LUZP2: variants seen among roughly 807,000 people sequenced by gnomAD.
The protein encoded by LUZP2 is leucine zipper protein 2.
In LUZP2, 52 loss-of-function variants were observed where a neutral mutation model predicts 51.6. The ratio of observed to expected loss-of-function variants is 1.01; its 90% confidence interval spans 0.81 to 1.27. The LOEUF (loss-of-function observed/expected upper bound fraction) is 1.27. Ranked by LOEUF, LUZP2 falls within the 50% of genes most tolerant of loss-of-function variation. LUZP2 has a pLI of 0.00. For missense variants in LUZP2, 436 were observed against 395.4 expected (o/e 1.10, Z -0.87); for synonymous variants, 154 against 137.3 (o/e 1.12, Z -0.85).
chr11:24,924,234 C>A (rs897017001), intron 7 of LUZP2, among the ~76,000 whole-genome samples: 1 of 152,008 alleles, frequency 6.6e-6, no homozygotes, highest in Non-Finnish European at 1.5e-5. Flanking sequence ...CGTGCCACCA[C>A]GCCCAGCTAA....
intron 1 of LUZP2, among the ~76,000 whole-genome samples, chr11:24,661,676 T>C (rs1233986479): frequency 6.6e-6 from 1 of 152,194 alleles, no homozygotes; most frequent in Non-Finnish European, 1.5e-5. Context: ...TCTTGGCTGA[T>C]GAAATATAGG....
intron 9 of LUZP2, among the ~76,000 whole-genome samples, chr11:25,040,343 ATTTTT>A (rs57668112): frequency 2.0e-4 from 20 of 98,810 alleles, no homozygotes; most frequent in Non-Finnish European, 2.5e-4. Context: ...TTTCTTTCCG[ATTTTT>A]TTTTTTTTTT....
chr11:25,005,018 G>A (rs1260705770), intron 9 of LUZP2, among the ~76,000 whole-genome samples: 2 of 152,136 alleles, frequency 1.3e-5, no homozygotes, highest in East Asian at 1.9e-4. Context: ...GGACATCTAT[G>A]TACCTATCAG....
chr11:24,669,115 G>T (rs1372279910), intron 1 of LUZP2, among the ~76,000 whole-genome samples: 6 of 152,104 alleles, frequency 3.9e-5, no homozygotes, highest in Non-Finnish European at 1.5e-5. Context: ...TAAAGACCCA[G>T]CTCTGACAGT....
intron 9 of LUZP2, among the ~76,000 whole-genome samples, chr11:25,005,030 A>G (rs867213610): frequency 6.6e-6 from 1 of 152,180 alleles, no homozygotes; most frequent in East Asian, 1.9e-4. Context: ...ACCTATCAGG[A>G]TCATCTGAAA....
chr11:24,972,822 G>A (rs938770747), intron 7 of LUZP2, among the ~76,000 whole-genome samples: 7 of 103,962 alleles, frequency 6.7e-5, no homozygotes, highest in Admixed American at 5.7e-4. Context: ...GCTGGATTCG[G>A]TTTGCCAGTA....
chr11:24,999,829 G>A (rs1408069072), intron 9 of LUZP2, among the ~76,000 whole-genome samples: 1 of 152,178 alleles, frequency 6.6e-6, no homozygotes, highest in Non-Finnish European at 1.5e-5. Context: ...GAATGAAGCT[G>A]CAGACCCTCG....
intron 7 of LUZP2, among the ~76,000 whole-genome samples, chr11:24,956,330 C>T (rs1399756354): frequency 1.3e-5 from 2 of 151,938 alleles, no homozygotes; most frequent in Non-Finnish European, 2.9e-5. Context: ...GCAGAAGGAA[C>T]CAGGATTGCT....
chr11:24,955,309 A>G (rs1855184199), intron 7 of LUZP2, among the ~76,000 whole-genome samples: 2 of 152,034 alleles, frequency 1.3e-5, no homozygotes, highest in Non-Finnish European at 2.9e-5. Flanking sequence ...AGTGTTAAAA[A>G]TATCTGGTAA....
In LUZP2 at chr11:24,921,398, C is replaced by T. The variant is rs144039175; in HGVS notation, c.522+6860C>T. ...AGTCCTTTAATATGCAAATGAGGGT[C>T]GCCATGATGTTCTGAACACCTGGTG... On this transcript the variant is annotated intron_variant, in intron 7 of 11. Coordinates refer to ENST00000336930, the MANE Select transcript of LUZP2 (RefSeq NM_001009909.4). Among the ~76,000 whole-genome samples, 10 of 152,102 alleles carry T rather than the reference C, an allele frequency of 6.6e-5. No individual in the cohort carries two copies. The South Asian group carries it at 1.9e-3, about 28-fold the overall frequency.
chr11:25,070,120 G>A (rs1859111146), intron 10 of LUZP2, among the ~76,000 whole-genome samples: 1 of 151,810 alleles, frequency 6.6e-6, no homozygotes, highest in South Asian at 2.1e-4. Flanking sequence ...TAAGGTAAGA[G>A]CACTAAGAAA....
At chr11:24,580,060 T>C (rs1283610490) in intron 1 of LUZP2, among the ~76,000 whole-genome samples, 1 of 152,096 alleles carries the variant, frequency 6.6e-6, no homozygotes, top group Non-Finnish European at 1.5e-5. Flanking sequence ...TCCAGGTTTT[T>C]TTATGATTCT....
At chr11:24,527,780 G>A (rs1033387475) in intron 1 of LUZP2, among the ~76,000 whole-genome samples, 8 of 151,344 alleles carry the variant, frequency 5.3e-5, no homozygotes, top group East Asian at 1.9e-4. Context: ...CTGGGCTATC[G>A]TCTCATTTTC....
intron 5 of LUZP2, among the ~76,000 whole-genome samples, chr11:24,768,915 G>C (rs12282374): frequency 0.013 from 1,991 of 152,286 alleles, 49 homozygotes; most frequent in African/African-American, 0.045. Flanking sequence ...CAAAGGAAAT[G>C]AAATCAATAT....
chr11:24,595,334 G>A (rs1853406474), intron 1 of LUZP2, among the ~76,000 whole-genome samples: 1 of 152,084 alleles, frequency 6.6e-6, no homozygotes, highest in South Asian at 2.1e-4. Context: ...AATGTCAGGT[G>A]TTCCAAGAAG....
At chr11:24,969,923 C>A (rs541574882) in intron 7 of LUZP2, among the ~76,000 whole-genome samples, 1 of 152,232 alleles carries the variant, frequency 6.6e-6, no homozygotes, top group African/African-American at 2.4e-5. Flanking sequence ...CGCGCACACA[C>A]ACACGCATAC....
At chr11:24,846,738 T>C (rs993962484) in intron 5 of LUZP2, among the ~76,000 whole-genome samples, 4 of 152,090 alleles carry the variant, frequency 2.6e-5, no homozygotes, top group African/African-American at 9.7e-5. Flanking sequence ...AATAACCTTT[T>C]ATTTCTATTG....
At chr11:24,624,853 ATTG>A (rs1854624274) in intron 1 of LUZP2, among the ~76,000 whole-genome samples, 1 of 152,134 alleles carries the variant, frequency 6.6e-6, no homozygotes, top group African/African-American at 2.4e-5. Flanking sequence ...TATTTTTATT[ATTG>A]TTATTATTAG....
Position 24,594,770 on chromosome 11 carries a change from T to G in LUZP2, c.62+97465T>G, listed in dbSNP as rs1464437213. On this transcript the variant is annotated intron_variant, in intron 1 of 11. Transcript: ENST00000336930. The stretch of plus-strand genomic sequence containing the variant: ...GGACACTTTTTTTTTTTTTTTTTTT[T>G]TTTTTTTGAGGTGGAGTCTTGCTCT... 5.0e-5 allele frequency among the ~76,000 whole-genome samples: 7 copies of G among 141,390 alleles called. No individual in the cohort carries two copies. The East Asian group carries it at 1.5e-3, about 30-fold the overall frequency. The allele number at this position is 141,390 out of a possible 152,430, so 92.8% of individuals were successfully genotyped here. A position where few individuals can be genotyped will look rare whatever the true frequency, so the allele number is the denominator to read the frequency against.
Sources: allele counts gnomAD v4.1 joint callset (sites outside exome capture counted in the v4.1 genomes callset), GRCh38; gene constraint gnomAD v4.1.1; transcripts MANE v1.5; gene names NCBI Gene and HGNC (gene_info 2026-07-23, HGNC 2026-07-21).